The following ZNF79 variants were observed in gnomAD, a reference collection of about 807,000 sequenced individuals.
The protein encoded by ZNF79 is zinc finger protein 79.
Under a neutral mutation model 14.9 loss-of-function variants are expected in ZNF79, and 13 were observed. That is an observed-to-expected ratio of 0.87 (90% CI 0.57 to 1.38). The LOEUF (loss-of-function observed/expected upper bound fraction) is 1.38. Ranked by LOEUF, ZNF79 falls within the 40% of genes most tolerant of loss-of-function variation. The pLI is 0.00. For missense variants in ZNF79, 631 were observed against 630.6 expected, an observed-to-expected ratio of 1.00 and a Z score of -0.01; for synonymous variants, 223 against 235.1, an observed-to-expected ratio of 0.95 and a Z score of 0.47.
At chr9:127,425,060 G>T in intron 1 of ZNF79, 1 of 877,138 alleles carries the variant, frequency 1.1e-6, no homozygotes, top group Non-Finnish European at 1.6e-6. Flanking sequence ...TCTGAGTATT[G>T]TACCACGTAC....
intron 1 of ZNF79, among the ~76,000 whole-genome samples, chr9:127,427,476 C>T (rs1037800325): frequency 6.7e-6 from 1 of 149,892 alleles, no homozygotes; most frequent in Non-Finnish European, 1.5e-5. Context: ...GCTACGCCAG[C>T]ATTTCGGCCT....
chr9:127,433,172 C>T (rs1833890508), intron 2 of ZNF79, among the ~76,000 whole-genome samples: 1 of 152,100 alleles, frequency 6.6e-6, no homozygotes, highest in Admixed American at 6.5e-5. Flanking sequence ...CAGGTAAAAT[C>T]AGAGGCCTGG....
intron 2 of ZNF79, among the ~76,000 whole-genome samples, chr9:127,430,100 G>A (rs926701271): frequency 3.3e-5 from 5 of 152,212 alleles, no homozygotes; most frequent in African/African-American, 1.2e-4. Context: ...ATAGGTGTGA[G>A]CCACTGTGCC....
intron 4 of ZNF79, among the ~76,000 whole-genome samples, chr9:127,438,873 G>C (rs1346105717): frequency 6.6e-6 from 1 of 152,208 alleles, no homozygotes. Flanking sequence ...CACTTTGGGA[G>C]GCCGAGTTGG....
In ZNF79 at chr9:127,444,219, GAC is replaced by G. The variant is rs754066574; in HGVS notation, c.526_527del (p.Thr176ArgfsTer20). On this transcript the variant is annotated frameshift_variant, in exon 5 of 5. Coordinates refer to ENST00000342483, the MANE Select transcript of ZNF79 (RefSeq NM_007135.3). LOFTEE classifies it low-confidence loss of function (END_TRUNC). ...TGGAAGCGAGACCTCGCAAATGTGA[GAC>G]ACACACCGAGAGCTTCAAGAACTCG... ...PVEARPRKCE[T>X]HTESFKNSEI... The G allele has an allele frequency of 3.7e-6, 6 of 1,614,106 alleles. No individual in the cohort carries two copies. The highest frequency in any genetic ancestry group is 5.1e-6 in the Non-Finnish European group (6 of 1,180,032).
intron 2 of ZNF79, among the ~76,000 whole-genome samples, chr9:127,431,510 A>G (rs1327328682): frequency 6.6e-6 from 1 of 152,092 alleles, no homozygotes; most frequent in Non-Finnish European, 1.5e-5. Context: ...TGGCCTTCCA[A>G]AGTGCTAAGA....
chr9:127,431,585 C>G (rs1034096697), intron 2 of ZNF79, among the ~76,000 whole-genome samples: 1 of 152,088 alleles, frequency 6.6e-6, no homozygotes, highest in Non-Finnish European at 1.5e-5. Context: ...GCTTTTTAGT[C>G]AGGTCCCACT....
intron 4 of ZNF79, among the ~76,000 whole-genome samples, chr9:127,440,451 G>A (rs1188388748): frequency 2.0e-5 from 3 of 152,184 alleles, no homozygotes; most frequent in African/African-American, 4.8e-5. Flanking sequence ...TGTGGCCAGA[G>A]CTTAGTAAAC....
rs138631306 is a variant in ZNF79, at chr9:127,426,834, G to A, written c.17-1998G>A. Among the ~76,000 whole-genome samples, 292 of 152,208 alleles carry A rather than the reference G, an allele frequency of 1.9e-3. 4 individuals are homozygous for A. The highest frequency in any genetic ancestry group is 6.9e-3 in the African/African-American group (287 of 41,532). ...ATATACTTAGAAGTGGAATTACTGC[G>A]TCATACAACCCTCTTTGACTTTCAC... is the stretch of plus-strand genomic sequence containing the variant. On this transcript the variant is annotated intron_variant, in intron 1 of 4. Transcript: ENST00000342483.
intron 4 of ZNF79, among the ~76,000 whole-genome samples, chr9:127,441,523 A>G (rs1252031547): frequency 1.4e-4 from 21 of 152,220 alleles, no homozygotes; most frequent in Non-Finnish European, 2.9e-5. Context: ...TAGAAATTCA[A>G]GGAAACAGTT....
intron 2 of ZNF79, among the ~76,000 whole-genome samples, chr9:127,432,729 C>A (rs1833883272): frequency 6.6e-6 from 1 of 151,912 alleles, no homozygotes; most frequent in African/African-American, 2.4e-5. Flanking sequence ...TATCTTTATT[C>A]TTTTTGTTGT....
chr9:127,424,954 G>GC, intron 1 of ZNF79, 151 bp downstream of exon 1: 4 of 1,508,400 alleles, frequency 2.7e-6, no homozygotes, highest in Non-Finnish European at 3.6e-6. Context: ...CCATGACACA[G>GC]CCCCAGGAGA....
rs773054753 is a variant in ZNF79 at position 127,444,815 on chromosome 9, A to T, written c.1115A>T (p.Gln372Leu). 2 of 1,609,278 alleles carry T rather than the reference A, an allele frequency of 1.2e-6. No individual in the cohort carries two copies. The highest frequency in any genetic ancestry group is 4.5e-5 in the East Asian group (2 of 44,834). The change falls in exon 5 of 5, where the codon CAG becomes CTG. Residue 372 changes from glutamine to leucine, a missense_variant. Gln to Leu is a moderately radical substitution (Grantham distance 113, BLOSUM62 -2). Coordinates refer to ENST00000342483, the MANE Select transcript of ZNF79 (RefSeq NM_007135.3). ...GCCGCGTGTGGGAAGGCCTTCAGCCAGAGTGCAAACCTCACAAACCATCAG... is the reference window on the plus strand; with the variant it reads ...GCCGCGTGTGGGAAGGCCTTCAGCCTGAGTGCAAACCTCACAAACCATCAG... ...RCAACGKAFS[Q>L]SANLTNHQRT...
chr9:127,441,571 G>A (rs1834048190), intron 4 of ZNF79, among the ~76,000 whole-genome samples: 1 of 152,122 alleles, frequency 6.6e-6, no homozygotes, highest in African/African-American at 2.4e-5. Flanking sequence ...GAGCACTTTG[G>A]GAGTCTGAGG....
chr9:127,435,121 C>G lies in ZNF79; in HGVS notation c.137C>G (p.Ala46Gly), dbSNP rs143331329. Residue 46 changes from alanine (A) to glycine (G), a missense_variant, in exon 3 of 5, where the codon GCT becomes GGT. Transcript: ENST00000342483. ...GSTFFSSVTVAFAQERWRCLV... is the reference protein window; with the variant it reads ...GSTFFSSVTVGFAQERWRCLV... ...ACATTCTTCAGCAGTGTGACGGTAG[C>G]TTTTGCACAGGAAAGGTGGAGGTGC... 71 of 1,612,662 alleles carry G rather than the reference C, an allele frequency of 4.4e-5. No homozygotes were observed. The African/African-American group carries it at 8.8e-4, about 20-fold the overall frequency.
At position 127,435,154 on chromosome 9, in the gene ZNF79, C is replaced by T. The variant is rs1313832271; in HGVS notation, c.170C>T (p.Ser57Phe). The T allele has an allele frequency of 1.2e-6, 2 of 1,613,338 alleles. No individual in the cohort carries two copies. The highest frequency in any genetic ancestry group is 1.7e-6 in the Non-Finnish European group (2 of 1,179,700). The change falls in exon 3 of 5, where the codon TCT becomes TTT. Residue 57 changes from serine to phenylalanine, a missense_variant. Transcript: ENST00000342483. ...FAQERWRCLV[S>F]TPRDRFKEGI... Reference sequence around the variant, plus strand: ...CAGGAAAGGTGGAGGTGCCTCGTGTCTACTCCACGGGACAGGTTCAAGGAG... The same window carrying T: ...CAGGAAAGGTGGAGGTGCCTCGTGTTTACTCCACGGGACAGGTTCAAGGAG...
At position 127,445,107 on chromosome 9, in the gene ZNF79, C is replaced by T. The variant is rs760747156; in HGVS notation, c.1407C>T (p.Gly469=). 1.1e-5 allele frequency: 18 copies of T among 1,579,862 alleles called. No homozygotes were observed. Among genetic ancestry groups the T allele is most frequent in the East Asian group, 4.8e-5 (2 of 41,986 alleles). The change falls in exon 5 of 5, where the codon GGC becomes GGT. Residue 469 remains glycine, a synonymous_variant. Transcript: ENST00000342483. ...SLSQHQRIHT[G]VKPYECSECG... is the part of the protein sequence containing the mutation. ...GTCAGCATCAGAGAATCCACACAGG[C>T]GTGAAACCCTACGAATGCAGCGAGT...
intron 4 of ZNF79, among the ~76,000 whole-genome samples, chr9:127,443,810 A>G (rs1418781510): frequency 6.7e-6 from 1 of 149,620 alleles, no homozygotes; most frequent in Non-Finnish European, 1.5e-5. Flanking sequence ...CTGAGGCAGG[A>G]GAATGGCGTG....
At chr9:127,442,766 G>T (rs1285567326) in intron 4 of ZNF79, among the ~76,000 whole-genome samples, 1 of 152,148 alleles carries the variant, frequency 6.6e-6, no homozygotes, top group Non-Finnish European at 1.5e-5. Context: ...AGAGGCTGAG[G>T]TGGGAGGATC....
Sources: allele counts gnomAD v4.1 joint callset (sites outside exome capture counted in the v4.1 genomes callset), GRCh38; gene constraint gnomAD v4.1.1; transcripts MANE v1.5; gene names NCBI Gene and HGNC (gene_info 2026-07-23, HGNC 2026-07-21).